ERC2: variants seen among roughly 807,000 people sequenced by gnomAD.
The protein encoded by ERC2 is ERC protein 2.
In ERC2, 42 loss-of-function variants were observed where a neutral mutation model predicts 114.8. That is an observed-to-expected ratio of 0.37 (90% confidence interval 0.29 to 0.47). The LOEUF (loss-of-function observed/expected upper bound fraction) is 0.47. Among genes scored for constraint, ERC2 ranks in the 20% least tolerant of loss-of-function variants. The pLI is 0.99. For synonymous variants in ERC2, 454 were observed against 425.5 expected (o/e 1.07, Z -0.82); for missense variants, 939 against 1,150.7 (o/e 0.82, Z 2.66).
chr3:56,095,443 G>A (rs9825660), intron 6 of ERC2, among the ~76,000 whole-genome samples: 141,474 of 152,254 alleles, frequency 0.93, 65,922 homozygotes, highest in East Asian at 1. Flanking sequence ...TTTTTGTAAA[G>A]GCAAAATGTA....
chr3:55,732,981 G>C (rs1443932761), intron 15 of ERC2, among the ~76,000 whole-genome samples: 1 of 152,178 alleles, frequency 6.6e-6, no homozygotes, highest in African/African-American at 2.4e-5. Flanking sequence ...CTTAGCAGCT[G>C]ACTGACCTGA....
chr3:56,253,252 C>T (rs1052880762), intron 3 of ERC2, among the ~76,000 whole-genome samples: 1 of 151,994 alleles, frequency 6.6e-6, no homozygotes, highest in Admixed American at 6.6e-5. Context: ...ACAAGTAATC[C>T]CAGCTTGGTA....
chr3:55,610,603 A>C (rs1430506003), intron 17 of ERC2: 1 of 152,280 alleles, frequency 6.6e-6, no homozygotes, highest in African/African-American at 2.4e-5. Context: ...CGGAAGGCTG[A>C]GGCTGAGGTG....
chr3:56,269,296 A>G (rs537073887), intron 3 of ERC2, among the ~76,000 whole-genome samples: 37 of 152,256 alleles, frequency 2.4e-4, no homozygotes, highest in African/African-American at 8.9e-4. Context: ...CACAAGCTTT[A>G]TTTCACCAGT....
At chr3:56,462,462 G>A (rs2063354887) in intron 1 of ERC2, among the ~76,000 whole-genome samples, 1 of 152,120 alleles carries the variant, frequency 6.6e-6, no homozygotes, top group African/African-American at 2.4e-5. Context: ...TCTGGTCTCT[G>A]TCTTTTTCAA....
At position 55,950,352 on chromosome 3, in the gene ERC2, G is replaced by A. The variant is rs945781895; in HGVS notation, c.2403+73C>T. ...CCACCATTTCTGTGCATATTTTCTG[G>A]CACCAATGGTGACATTTCTGAGAGA... On this transcript the variant is annotated intron_variant, in intron 13 of 17. Coordinates refer to ENST00000288221, the MANE Select transcript of ERC2 (RefSeq NM_015576.3). 1.5e-5 allele frequency: 24 copies of A among 1,553,808 alleles called. No homozygotes were observed. In the African/African-American group the frequency reaches 2.9e-4, roughly 19 times the overall value.
At chr3:56,466,880 C>T (rs913634421) in intron 1 of ERC2, among the ~76,000 whole-genome samples, 3 of 152,164 alleles carry the variant, frequency 2.0e-5, no homozygotes, top group South Asian at 2.1e-4. Flanking sequence ...CATGTTGTCT[C>T]TTATAAAGAC....
At chr3:56,308,857 A>G (rs1054390326) in intron 2 of ERC2, among the ~76,000 whole-genome samples, 2 of 152,204 alleles carry the variant, frequency 1.3e-5, no homozygotes, top group Non-Finnish European at 1.5e-5. Context: ...TCTTTCAAAG[A>G]AAACAGAATC....
intron 2 of ERC2, among the ~76,000 whole-genome samples, chr3:56,404,028 C>T (rs775850239): frequency 2.6e-5 from 4 of 152,198 alleles, no homozygotes; most frequent in Non-Finnish European, 4.4e-5. Flanking sequence ...TTGTGATCAG[C>T]AGGTTCCTTG....
chr3:56,057,091 C>T (rs543949249), intron 7 of ERC2, among the ~76,000 whole-genome samples: 2 of 152,190 alleles, frequency 1.3e-5, no homozygotes, highest in African/African-American at 2.4e-5. Context: ...TTCTTACCTT[C>T]TCCTCCTTCC....
At chr3:55,877,658 C>T (rs1402957450) in intron 14 of ERC2, among the ~76,000 whole-genome samples, 2 of 151,808 alleles carry the variant, frequency 1.3e-5, no homozygotes, top group Non-Finnish European at 2.9e-5. Context: ...ACCACAGGTA[C>T]ACAACACCAT....
At chr3:56,283,268 A>G (rs1422670143) in intron 3 of ERC2, among the ~76,000 whole-genome samples, 1 of 152,204 alleles carries the variant, frequency 6.6e-6, no homozygotes, top group Non-Finnish European at 1.5e-5. Context: ...TCATGAAAGT[A>G]TTGCAACAGA....
At chr3:56,302,753 T>C (rs1305464615) in intron 2 of ERC2, among the ~76,000 whole-genome samples, 1 of 152,232 alleles carries the variant, frequency 6.6e-6, no homozygotes. Context: ...GACTGTATTC[T>C]AGGGCCATCT....
intron 14 of ERC2, among the ~76,000 whole-genome samples, chr3:55,838,240 C>G (rs949439237): frequency 6.6e-6 from 1 of 152,050 alleles, no homozygotes; most frequent in Non-Finnish European, 1.5e-5. Context: ...CTCCACTCAA[C>G]AACAGCAGAA....
At chr3:55,619,052 G>T (rs528230999) in intron 17 of ERC2, among the ~76,000 whole-genome samples, 1 of 152,288 alleles carries the variant, frequency 6.6e-6, no homozygotes, top group East Asian at 1.9e-4. Context: ...GTCTTCTCCA[G>T]GGGACCCAGG....
At chr3:56,278,394 G>A (rs2054146705) in intron 3 of ERC2, among the ~76,000 whole-genome samples, 1 of 152,184 alleles carries the variant, frequency 6.6e-6, no homozygotes, top group South Asian at 2.1e-4. Flanking sequence ...CTCTTCAAGG[G>A]TGCCAAGATC....
At chr3:56,339,948 T>C (rs559013162) in intron 2 of ERC2, among the ~76,000 whole-genome samples, 28 of 152,298 alleles carry the variant, frequency 1.8e-4, no homozygotes, top group African/African-American at 6.7e-4. Context: ...TTAGTCTACA[T>C]ACCTCAGAGG....
intron 12 of ERC2, among the ~76,000 whole-genome samples, chr3:55,957,457 T>G (rs1292317580): frequency 6.6e-6 from 1 of 152,174 alleles, no homozygotes; most frequent in Non-Finnish European, 1.5e-5. Context: ...AGTGAGTGCT[T>G]TATAAATAAC....
chr3:55,845,365 G>A (rs1168628366), intron 14 of ERC2, among the ~76,000 whole-genome samples: 4 of 151,572 alleles, frequency 2.6e-5, no homozygotes, highest in East Asian at 1.9e-4. Flanking sequence ...TTAGCCGGGC[G>A]TAGTGGCGGG....
Sources: gnomAD v4.1 joint callset for allele counts (sites outside exome capture counted in the v4.1 genomes callset) on GRCh38, gnomAD v4.1.1 for gene constraint, MANE v1.5 for transcripts, NCBI Gene and HGNC (gene_info 2026-07-23, HGNC 2026-07-21) for gene names.